The following FSTL4 variants were observed in gnomAD, a reference collection of about 807,000 sequenced individuals.
FSTL4 encodes the protein follistatin like 4.
A neutral mutation model predicts 78.2 loss-of-function variants in FSTL4; 28 were observed. The observed-to-expected ratio is 0.36, with a 90% CI of 0.27 to 0.49. The LOEUF is 0.49. Among genes scored for constraint, FSTL4 ranks in the 20% least tolerant of loss-of-function variants. FSTL4 has a pLI of 0.98. For synonymous variants in FSTL4, 422 were observed against 440.5 expected (o/e 0.96, Z 0.53); for missense variants, 922 against 1,084.9 (o/e 0.85, Z 2.11).
intron 3 of FSTL4, among the ~76,000 whole-genome samples, chr5:133,543,350 C>T (rs552999241): frequency 5.3e-5 from 8 of 152,290 alleles, no homozygotes; most frequent in South Asian, 2.1e-4. Flanking sequence ...CCATGCCTAG[C>T]CTCTTTCTTC....
chr5:133,735,106 G>A, the FSTL4 span, among the ~76,000 whole-genome samples: 1 of 152,158 alleles, frequency 6.6e-6, no homozygotes, highest in East Asian at 1.9e-4. Context: ...CATTAGAAGG[G>A]AGTCCCCTGG....
chr5:133,750,007 G>C, the FSTL4 span, among the ~76,000 whole-genome samples: 6 of 152,154 alleles, frequency 3.9e-5, no homozygotes, highest in African/African-American at 1.4e-4. Context: ...CTTCTCTCCA[G>C]GGGGCTCCCA....
chr5:133,493,073 A>T (rs1580744146), intron 3 of FSTL4, among the ~76,000 whole-genome samples: 1 of 152,024 alleles, frequency 6.6e-6, no homozygotes, highest in East Asian at 1.9e-4. Context: ...TTTCCCCTAC[A>T]ATTCCTTCTT....
chr5:133,530,496 C>T (rs1212711037), intron 3 of FSTL4, among the ~76,000 whole-genome samples: 1 of 152,206 alleles, frequency 6.6e-6, no homozygotes, highest in Non-Finnish European at 1.5e-5. Context: ...GCCTAGGTGC[C>T]TTGAAGACAA....
At chr5:133,414,450 T>G (rs1756538111) in intron 3 of FSTL4, among the ~76,000 whole-genome samples, 1 of 152,154 alleles carries the variant, frequency 6.6e-6, no homozygotes, top group Admixed American at 6.5e-5. Flanking sequence ...CCCTGGGATT[T>G]GTCCTTGGTA....
At position 133,603,951 on chromosome 5, in the gene FSTL4, T is replaced by C. The variant is rs141922505; in HGVS notation, c.33A>G (p.Thr11=). 6.2e-7 allele frequency: 1 copy of C among 1,613,188 alleles called. No individual in the cohort carries two copies. Among genetic ancestry groups the C allele is most frequent in the Admixed American group, 1.7e-5 (1 of 60,008 alleles). Residue 11 remains threonine (T), a synonymous_variant, in exon 2 of 16, where the codon ACA becomes ACG. Coordinates refer to ENST00000265342, the MANE Select transcript of FSTL4 (RefSeq NM_015082.2). ...CAGCCGGCAGGGAGGCTCCGAGCAGTGTGAGATGCAGCCAAAAGCCTCCTG... is the reference window on the plus strand; with the variant it reads ...CAGCCGGCAGGGAGGCTCCGAGCAGCGTGAGATGCAGCCAAAAGCCTCCTG... MKPGGFWLHL[T]LLGASLPAAL...
chr5:133,781,365 T>TTGTG, the FSTL4 span, among the ~76,000 whole-genome samples: 60 of 143,410 alleles, frequency 4.2e-4, no homozygotes, highest in South Asian at 7.0e-4. Context: ...TGTTAAGCGG[T>TTGTG]TGTGTGTGTG....
At chr5:133,692,710 C>A in the FSTL4 span, among the ~76,000 whole-genome samples, 1 of 152,182 alleles carries the variant, frequency 6.6e-6, no homozygotes. Context: ...TGGTGTCTTC[C>A]AAGAGTGAGC....
At chr5:133,348,633 G>A (rs921396574) in intron 4 of FSTL4, among the ~76,000 whole-genome samples, 2 of 152,134 alleles carry the variant, frequency 1.3e-5, no homozygotes, top group African/African-American at 4.8e-5. Flanking sequence ...GGCGGGAGTG[G>A]GCCACTCTCA....
rs530309295 is a variant in FSTL4, at chr5:133,199,433, T to A, written c.2191A>T (p.Asn731Tyr). The change falls in exon 16 of 16, where the codon AAC becomes TAC. Residue 731 changes from asparagine to tyrosine, a missense_variant. Asn to Tyr is a moderately radical substitution (Grantham distance 143). Transcript: ENST00000265342. The surrounding 1 kb of genome is among the most constrained non-coding windows in gnomAD (Gnocchi z 4.4). ...AAGGCCAAGTCTGAGATGCCCGAGT[T>A]TATTTGCAGGTCATACAGGGTCTGG... ...EIQTLYDLQI[N>Y]SGISDLAFQR... The A allele has an allele frequency of 1.4e-5, 22 of 1,614,200 alleles. No individual in the cohort carries two copies. The African/African-American group carries it at 2.5e-4, about 19-fold the overall frequency.
chr5:133,507,194 A>G (rs576406933), intron 3 of FSTL4, among the ~76,000 whole-genome samples: 1 of 152,322 alleles, frequency 6.6e-6, no homozygotes, highest in South Asian at 2.1e-4. Flanking sequence ...GGTGACAGTG[A>G]GACTCTGTCT....
chr5:133,493,218 C>T (rs1316514360), intron 3 of FSTL4, among the ~76,000 whole-genome samples: 3 of 152,046 alleles, frequency 2.0e-5, no homozygotes, highest in African/African-American at 4.8e-5. Context: ...TAACTCTTCC[C>T]GATGGCAAAT....
At chr5:133,606,107 C>T (rs2112982115) in intron 1 of FSTL4, among the ~76,000 whole-genome samples, 1 of 152,192 alleles carries the variant, frequency 6.6e-6, no homozygotes, top group Non-Finnish European at 1.5e-5. Flanking sequence ...AATGTCTTCC[C>T]CTAACTGCAA....
chr5:133,276,919 A>G (rs531523545), intron 6 of FSTL4, among the ~76,000 whole-genome samples: 1 of 152,212 alleles, frequency 6.6e-6, no homozygotes, highest in Admixed American at 6.5e-5. Flanking sequence ...TCTCACAGAC[A>G]TAGTTTGAAG....
the FSTL4 span, among the ~76,000 whole-genome samples, chr5:133,798,597 T>C: frequency 1.3e-5 from 2 of 151,662 alleles, no homozygotes; most frequent in African/African-American, 4.8e-5. Context: ...GTACAGGTAC[T>C]GGGCTCCCGC....
chr5:133,448,731 TGCGGGG>T (rs1757316855), intron 3 of FSTL4, among the ~76,000 whole-genome samples: 1 of 1,006 alleles, frequency 9.9e-4, no homozygotes, highest in South Asian at 0.021. Context: ...TCCCCAGGGG[TGCGGGG>T]GCGGGGGGGG....
intron 14 of FSTL4, chr5:133,202,710 G>A (rs1211398080): frequency 6.6e-6 from 1 of 152,256 alleles, no homozygotes; most frequent in East Asian, 1.9e-4. Context: ...TAGAATGCTG[G>A]GAAGAGGTCC....
chr5:133,776,372 C>T, the FSTL4 span, among the ~76,000 whole-genome samples: 5 of 152,184 alleles, frequency 3.3e-5, no homozygotes, highest in Non-Finnish European at 5.9e-5. Context: ...CTACAGCTCT[C>T]CTTGAGTTCC....
chr5:133,787,805 C>T, the FSTL4 span, among the ~76,000 whole-genome samples: 1 of 152,142 alleles, frequency 6.6e-6, no homozygotes, highest in African/African-American at 2.4e-5. Flanking sequence ...GCTGCCTGTC[C>T]TCCCCAGACC....
Sources: allele counts gnomAD v4.1 joint callset (sites outside exome capture counted in the v4.1 genomes callset), GRCh38; gene constraint gnomAD v4.1.1; non-coding constraint Gnocchi (gnomAD v3.1); transcripts MANE v1.5; gene names NCBI Gene and HGNC (gene_info 2026-07-23, HGNC 2026-07-21).